The following TTC13 variants were observed in gnomAD, a reference collection of about 807,000 sequenced individuals.
TTC13 encodes tetratricopeptide repeat domain 13, also known as tetratricopeptide repeat protein 13.
A neutral mutation model predicts 120.0 loss-of-function variants in TTC13; 62 were observed. That is an observed-to-expected ratio of 0.52 (90% confidence interval 0.42 to 0.64). The LOEUF is 0.64. Ranked by LOEUF, TTC13 falls within the 30% of genes least tolerant of loss-of-function variation. TTC13 has a pLI of 0.00. For synonymous variants in TTC13, 384 were observed against 393.5 expected (o/e 0.98, Z 0.28); for missense variants, 824 against 1,050.2 (o/e 0.78, Z 2.98).
chr1:230,977,384 A>T (rs1301332721), intron 1 of TTC13, among the ~76,000 whole-genome samples: 3 of 152,204 alleles, frequency 2.0e-5, no homozygotes, highest in Non-Finnish European at 4.4e-5. Flanking sequence ...ACTTGCTCAG[A>T]GATACAGAAA....
intron 8 of TTC13, 100 bp from the exon 9 acceptor site, chr1:230,933,961 C>T (rs955011232): frequency 3.1e-6 from 2 of 640,436 alleles, no homozygotes; most frequent in African/African-American, 3.8e-5. Flanking sequence ...TAGTCTCTGA[C>T]AGATTTTCTT....
chr1:230,921,861 A>C (rs1049593294), intron 15 of TTC13, among the ~76,000 whole-genome samples: 6 of 152,084 alleles, frequency 3.9e-5, no homozygotes, highest in African/African-American at 1.4e-4. Context: ...AGTTCTCCCA[A>C]CAGCATTATC....
rs1673580933 is a variant in TTC13, at chr1:230,931,762, A to AGCTGCC, written c.1093_1098dup (p.Gly365_Ser366dup). On this transcript the variant is annotated inframe_insertion, in exon 10 of 23. Coordinates refer to ENST00000366661, the MANE Select transcript of TTC13 (RefSeq NM_024525.5). ...TTAAAGTTCTTAAGGGCTTCCTGTA[A>AGCTGCC]GCTGCCGTGGTGGTAGAGCATCATT... The AGCTGCC allele has an allele frequency of 6.2e-7, 1 of 1,614,046 alleles. No homozygotes were observed. The highest frequency in any genetic ancestry group is 1.3e-5 in the African/African-American group (1 of 74,932).
At chr1:230,974,167 CAG>C (rs1244383232) in intron 1 of TTC13, among the ~76,000 whole-genome samples, 1 of 152,012 alleles carries the variant, frequency 6.6e-6, no homozygotes, top group Non-Finnish European at 1.5e-5. Context: ...AGCAGATCTA[CAG>C]AGTGTTGAAT....
intron 19 of TTC13, among the ~76,000 whole-genome samples, chr1:230,911,935 C>A (rs189637639): frequency 7.9e-5 from 12 of 152,288 alleles, no homozygotes; most frequent in Admixed American, 2.6e-4. Flanking sequence ...AAGCCCCTTC[C>A]CCTACTCCGC....
At chr1:230,973,804 G>A (rs1441608753) in intron 1 of TTC13, among the ~76,000 whole-genome samples, 3 of 152,166 alleles carry the variant, frequency 2.0e-5, no homozygotes, top group African/African-American at 7.2e-5. Flanking sequence ...GGGGCCGGGC[G>A]TGGTGGCTCA....
chr1:230,923,342 C>A (rs940386013), intron 15 of TTC13, among the ~76,000 whole-genome samples: 2 of 152,130 alleles, frequency 1.3e-5, no homozygotes, highest in African/African-American at 4.8e-5. Context: ...TTCCAGCCAA[C>A]CTGACTTGCC....
intron 20 of TTC13, among the ~76,000 whole-genome samples, chr1:230,910,890 T>C (rs1198598854): frequency 2.6e-5 from 4 of 152,254 alleles, no homozygotes; most frequent in South Asian, 2.1e-4. Flanking sequence ...TAAGTTCAAC[T>C]ATGTGCCAGT....
intron 8 of TTC13, among the ~76,000 whole-genome samples, chr1:230,938,487 C>T (rs889166630): frequency 5.3e-5 from 8 of 152,240 alleles, no homozygotes; most frequent in Admixed American, 3.3e-4. Flanking sequence ...CTGGAGGCCA[C>T]GTTTCTGCCC....
rs1678567025 is a variant in TTC13 at position 230,978,287 on chromosome 1, C to A, written c.271+273G>T. Among the ~76,000 whole-genome samples, 1 of 152,192 alleles carries A rather than the reference C, an allele frequency of 6.6e-6. No individual in the cohort carries two copies. On this transcript the variant is annotated intron_variant, in intron 1 of 22. Coordinates refer to ENST00000366661, the MANE Select transcript of TTC13 (RefSeq NM_024525.5). This position sits in a 1 kb window ranked among gnomAD's most constrained non-coding sequence, Gnocchi z 5.6. ...CCACCCTTCCAACAGTTGCTTCAGA[C>A]TCAGGAGAGAGGCCGCCCTGGCCCC... is the stretch of plus-strand genomic sequence containing the variant.
Position 230,925,523 on chromosome 1 carries a change from G to A in TTC13, c.1582C>T (p.His528Tyr), listed in dbSNP as rs1672974042. 1 of 1,614,028 alleles carries A rather than the reference G, an allele frequency of 6.2e-7. No individual in the cohort carries two copies. The highest frequency in any genetic ancestry group is 2.2e-5 in the East Asian group (1 of 44,870). ...TPGFLPNKRI[H>Y]RAMGLAALEV... Reference sequence around the variant, plus strand: ...CAGGTAGTTTCCAGAATACCTCTGTGTATTCTCTTGTTTGGCAGGAAACCA... The same window carrying A: ...CAGGTAGTTTCCAGAATACCTCTGTATATTCTCTTGTTTGGCAGGAAACCA... The change falls in exon 13 of 23, where the codon CAC (histidine) becomes TAC (tyrosine). Residue 528 changes from histidine to tyrosine, a missense_variant. Transcript: ENST00000366661.
intron 2 of TTC13, among the ~76,000 whole-genome samples, chr1:230,958,680 A>G (rs1181104843): frequency 2.0e-5 from 3 of 152,182 alleles, no homozygotes; most frequent in Non-Finnish European, 4.4e-5. Context: ...GATGCAAAAG[A>G]TTTTTCTCCT....
At chr1:230,970,039 A>G (rs1300073162) in intron 1 of TTC13, among the ~76,000 whole-genome samples, 3 of 152,260 alleles carry the variant, frequency 2.0e-5, no homozygotes, top group Admixed American at 2.0e-4. Context: ...CACATGGGGA[A>G]ATAAACTCAA....
intron 8 of TTC13, among the ~76,000 whole-genome samples, chr1:230,935,722 C>G (rs1673985061): frequency 6.6e-6 from 1 of 152,064 alleles, no homozygotes; most frequent in African/African-American, 2.4e-5. Flanking sequence ...AGGAAATGTA[C>G]TTTTTAGAGA....
intron 1 of TTC13, among the ~76,000 whole-genome samples, chr1:230,974,267 C>T (rs561085786): frequency 6.6e-6 from 1 of 152,270 alleles, no homozygotes; most frequent in East Asian, 1.9e-4. Flanking sequence ...CGGGGCACCT[C>T]TTAAAGTAGC....
intron 15 of TTC13, 48 bp downstream of exon 15, chr1:230,923,793 G>C (rs753717921): frequency 1.2e-5 from 19 of 1,523,618 alleles, no homozygotes; most frequent in Non-Finnish European, 1.7e-5. Flanking sequence ...CCTGTGTCTT[G>C]AGAATAAACT....
chr1:230,948,061 C>T (rs990135156), intron 4 of TTC13, among the ~76,000 whole-genome samples: 4 of 152,202 alleles, frequency 2.6e-5, no homozygotes, highest in African/African-American at 9.6e-5. Context: ...TCCAGATATA[C>T]ACCAAGAGTT....
intron 2 of TTC13, among the ~76,000 whole-genome samples, chr1:230,959,323 T>G (rs1676401672): frequency 6.6e-6 from 1 of 152,138 alleles, no homozygotes; most frequent in Admixed American, 6.5e-5. Context: ...TATATCTGAT[T>G]TTAAGTTGTT....
Position 230,942,228 on chromosome 1 carries a change from T to G in TTC13, c.672+1578A>C, listed in dbSNP as rs1176279326. On this transcript the variant is annotated intron_variant, in intron 6 of 22. Transcript: ENST00000366661. The surrounding 1 kb of genome is among the most constrained non-coding windows in gnomAD (Gnocchi z 4.0). The stretch of plus-strand genomic sequence containing the variant: ...TACCAGATTTTAACATAAACCAGAG[T>G]AATATAGGGGAAAAAACATCAGTCC... Among the ~76,000 whole-genome samples the G allele has an allele frequency of 6.6e-6, 1 of 152,022 alleles. No individual in the cohort carries two copies. The highest frequency in any genetic ancestry group is 1.5e-5 in the Non-Finnish European group (1 of 67,992).
Sources: allele counts gnomAD v4.1 joint callset (sites outside exome capture counted in the v4.1 genomes callset), GRCh38; gene constraint gnomAD v4.1.1; non-coding constraint Gnocchi (gnomAD v3.1); transcripts MANE v1.5; gene names NCBI Gene and HGNC (gene_info 2026-07-23, HGNC 2026-07-21).